Variants in SPINK5 observed in about 807,000 individuals in gnomAD.
SPINK5 encodes the protein serine peptidase inhibitor Kazal type 5, also known as serine protease inhibitor Kazal-type 5.
Under a neutral mutation model 151.8 loss-of-function variants are expected in SPINK5, and 125 were observed. The ratio of observed to expected loss-of-function variants is 0.82; its 90% CI spans 0.71 to 0.96. The LOEUF (loss-of-function observed/expected upper bound fraction) is 0.96, where lower values mean the gene tolerates loss of function less well. SPINK5 is among the 40% of genes least tolerant of loss of function. The pLI, the probability that SPINK5 is intolerant of heterozygous loss-of-function variation, is 0.00. For synonymous variants in SPINK5, 374 were observed against 395.3 expected (o/e 0.95, Z 0.64); for missense variants, 1,194 against 1,291.9 (o/e 0.92, Z 1.16).
intron 18 of SPINK5, among the ~76,000 whole-genome samples, chr5:148,110,693 T>C (rs577012317): frequency 1.6e-4 from 25 of 151,770 alleles, no homozygotes; most frequent in Admixed American, 1.1e-3. Flanking sequence ...TGAGAACACA[T>C]GGACACAGGG....
intron 4 of SPINK5, among the ~76,000 whole-genome samples, chr5:148,084,355 A>G (rs1279534595): frequency 2.0e-5 from 3 of 151,794 alleles, no homozygotes; most frequent in Non-Finnish European, 2.9e-5. Context: ...GCTTGCTGCC[A>G]CTTCACCAGG....
At chr5:148,131,167 A>G (rs182846692) in intron 30 of SPINK5, 92 bp from the exon 31 acceptor site, 100 of 1,461,812 alleles carry the variant, frequency 6.8e-5, no homozygotes. Flanking sequence ...CCATTTATTC[A>G]AGTTGGATTA....
intron 10 of SPINK5, among the ~76,000 whole-genome samples, chr5:148,096,474 G>A (rs886248848): frequency 6.6e-6 from 1 of 151,902 alleles, no homozygotes; most frequent in Non-Finnish European, 1.5e-5. Flanking sequence ...CATCCTCCAT[G>A]TTGTTTTCAT....
At chr5:148,106,071 A>G (rs947002647) in intron 16 of SPINK5, among the ~76,000 whole-genome samples, 1 of 151,668 alleles carries the variant, frequency 6.6e-6, no homozygotes, top group African/African-American at 2.4e-5. Flanking sequence ...CTTTTCATTG[A>G]TCATTTAGAA....
Position 148,120,107 on chromosome 5 carries a change from C to A in SPINK5, c.2412C>A (p.Gly804=), listed in dbSNP as rs33920397. 6.2e-7 allele frequency: 1 copy of A among 1,613,712 alleles called. No homozygotes were observed. The highest frequency in any genetic ancestry group is 8.5e-7 in the Non-Finnish European group (1 of 1,179,808). ...PVRGPDGKTH[G]NKCTMCKEKL... ...GGGGTCCAGATGGCAAGACACATGGCAATAAGTGTACTATGTGTAAGGAAA... is the reference window on the plus strand; with the variant it reads ...GGGGTCCAGATGGCAAGACACATGGAAATAAGTGTACTATGTGTAAGGAAA... Residue 804 remains glycine, a synonymous_variant, in exon 25 of 33, where the codon GGC becomes GGA. Transcript: ENST00000256084.
At chr5:148,119,115 G>A (rs1411925248) in intron 24 of SPINK5, 57 bp downstream of exon 24, 8 of 1,507,252 alleles carry the variant, frequency 5.3e-6, no homozygotes, top group East Asian at 2.3e-5. Flanking sequence ...AGCAGTTGGC[G>A]ATCAAAACTA....
intron 32 of SPINK5, among the ~76,000 whole-genome samples, chr5:148,134,612 T>G (rs1208758810): frequency 1.3e-5 from 2 of 152,152 alleles, no homozygotes; most frequent in African/African-American, 4.8e-5. Flanking sequence ...TGGCACAGTG[T>G]CTGAAAAATT....
At chr5:148,118,316 A>C in intron 22 of SPINK5, 121 bp from the exon 23 acceptor site, 1 of 1,471,148 alleles carries the variant, frequency 6.8e-7, no homozygotes, top group South Asian at 1.1e-5. Context: ...CGTACCCGGC[A>C]ATGTTATGTT....
intron 6 of SPINK5, 80 bp from the exon 7 acceptor site, chr5:148,089,414 G>C: frequency 6.2e-7 from 1 of 1,600,544 alleles, no homozygotes. Flanking sequence ...CAGAGGGACT[G>C]AGTTCAATAA....
In SPINK5 at chr5:148,088,631, G is replaced by C. The variant is rs540247618; in HGVS notation, c.474+26G>C. 3 of 1,606,566 alleles carry C rather than the reference G, an allele frequency of 1.9e-6. No individual in the cohort carries two copies. The South Asian group carries it at 3.3e-5, about 18-fold the overall frequency. On this transcript the variant is annotated intron_variant, in intron 6 of 32. Transcript: ENST00000256084. ...GTGAGGTCAATTGTCAGCCTGATGG[G>C]AAATACTGGGAGGCTAACTTCAAAT...
intron 12 of SPINK5, among the ~76,000 whole-genome samples, 158 bp downstream of exon 12, chr5:148,099,473 C>T (rs1345447278): frequency 6.9e-6 from 1 of 144,278 alleles, no homozygotes; most frequent in Non-Finnish European, 1.5e-5. Context: ...AAGATTGATC[C>T]ATTCTTGCTG....
chr5:148,076,869 A>T (rs575899760), intron 4 of SPINK5, among the ~76,000 whole-genome samples: 1 of 151,772 alleles, frequency 6.6e-6, no homozygotes, highest in East Asian at 1.9e-4. Context: ...TGAATCCTTA[A>T]AAAAGGGAAT....
intron 4 of SPINK5, among the ~76,000 whole-genome samples, chr5:148,075,105 G>C (rs919194810): frequency 6.6e-6 from 1 of 151,360 alleles, no homozygotes; most frequent in African/African-American, 2.4e-5. Context: ...AAAGGATCCA[G>C]ACTTCAATAG....
chr5:148,121,009 A>G (rs6863959), intron 26 of SPINK5, among the ~76,000 whole-genome samples: 120,894 of 151,118 alleles, frequency 0.8, 48,496 homozygotes, highest in East Asian at 0.92. Context: ...GCCGGGCACG[A>G]TGGCGGGCGC....
rs548034776 is a variant in SPINK5, at chr5:148,105,979, G to A, written c.1479+979G>A. ...ACAGTACAAACCTCATCATTACTTG[G>A]GGAAAAGTTGACACAGTTTAAAATT... is the stretch of plus-strand genomic sequence containing the variant. On this transcript the variant is annotated intron_variant, in intron 16 of 32. Transcript: ENST00000256084. 5.3e-5 allele frequency among the ~76,000 whole-genome samples: 8 copies of A among 151,822 alleles called. 1 individual carries two copies. The South Asian group carries it at 1.7e-3, about 32-fold the overall frequency.
intron 19 of SPINK5, among the ~76,000 whole-genome samples, chr5:148,112,428 A>T (rs1242299745): frequency 6.6e-6 from 1 of 152,120 alleles, no homozygotes; most frequent in East Asian, 1.9e-4. Context: ...TAATTCTAGC[A>T]CTTTGGGAGG....
Position 148,137,308 on chromosome 5 carries a change from A to ACTAT in SPINK5, c.*320_*323dup, listed in dbSNP as rs1754720495. The stretch of plus-strand genomic sequence containing the variant: ...ACACCCTTTCTGGGATTTCTTTGTC[A>ACTAT]CTATCTGGATAATAGATATTTGCTT... On this transcript the variant is annotated 3_prime_UTR_variant, in exon 33 of 33. Transcript: ENST00000256084. The ACTAT allele has an allele frequency of 2.2e-6, 1 of 456,280 alleles. No homozygotes were observed. Among genetic ancestry groups the ACTAT allele is most frequent in the African/African-American group, 2.0e-5 (1 of 51,240 alleles). 28.3% of individuals were successfully genotyped at this position (456,280 alleles called of 1,614,324 possible).
intron 21 of SPINK5, among the ~76,000 whole-genome samples, chr5:148,115,844 TG>T (rs1374057061): frequency 6.6e-6 from 1 of 150,944 alleles, no homozygotes; most frequent in Non-Finnish European, 1.5e-5. Context: ...TTTTTTCTTA[TG>T]GAGTCCCACT....
intron 2 of SPINK5, among the ~76,000 whole-genome samples, chr5:148,067,244 C>G (rs774883629): frequency 1.3e-5 from 2 of 152,028 alleles, no homozygotes; most frequent in Non-Finnish European, 1.5e-5. Flanking sequence ...TGGAGATGGA[C>G]AATAGAAGAC....
Sources: gnomAD v4.1 joint callset for allele counts (sites outside exome capture counted in the v4.1 genomes callset) on GRCh38, gnomAD v4.1.1 for gene constraint, MANE v1.5 for transcripts, NCBI Gene and HGNC (gene_info 2026-07-23, HGNC 2026-07-21) for gene names.